RPGR: variants seen among roughly 807,000 people sequenced by gnomAD.
RPGR encodes the protein retinitis pigmentosa GTPase regulator, also known as X-linked retinitis pigmentosa GTPase regulator.
RPGR carries 10 observed loss-of-function variants against 56.3 expected under a neutral mutation model. The observed-to-expected ratio is 0.18, with a 90% CI of 0.11 to 0.30. RPGR has a LOEUF of 0.30. Among genes scored for constraint, RPGR ranks in the 10% least tolerant of loss-of-function variants. The pLI, the probability that RPGR is intolerant of heterozygous loss-of-function variation, is 1.00. For missense variants in RPGR, 538 were observed against 590.9 expected (o/e 0.91, Z 0.93); for synonymous variants, 197 against 212.9 (o/e 0.93, Z 0.65).
At chrX:38,280,691 G>A (rs182067972) in intron 15 of RPGR, among the ~76,000 whole-genome samples, 11 of 110,882 alleles carry the variant, frequency 9.9e-5, no homozygotes, top group Admixed American at 1.9e-4. Context: ...ACACCACCAT[G>A]CCTAACTAAT....
At chrX:38,309,823 C>T (rs2067678128) in intron 7 of RPGR, among the ~76,000 whole-genome samples, 2 of 109,321 alleles carry the variant, frequency 1.8e-5, no homozygotes, top group East Asian at 2.8e-4. Context: ...AGCGAAACTC[C>T]GTCTCAAAAA....
At chrX:38,325,711 G>A (rs1427153047) in intron 1 of RPGR, 2 of 112,028 alleles carry the variant, frequency 1.8e-5, no homozygotes, top group Non-Finnish European at 3.8e-5. Context: ...ACGGTCCTAG[G>A]AGATTGGGAG....
intron 6 of RPGR, among the ~76,000 whole-genome samples, chrX:38,313,127 TG>T (rs2067753481): frequency 8.9e-6 from 1 of 111,916 alleles, no homozygotes. Flanking sequence ...CTGCCTGGAT[TG>T]TTCTTCCCTC....
intron 10 of RPGR, chrX:38,298,251 C>G: frequency 4.8e-6 from 1 of 206,366 alleles, no homozygotes; most frequent in Non-Finnish European, 8.4e-6. Context: ...GCCTGGGCAA[C>G]AGAGTGAGAC....
chrX:38,305,567 G>A (rs191075113), intron 7 of RPGR, among the ~76,000 whole-genome samples: 1,549 of 109,098 alleles, frequency 0.014, 33 homozygotes, highest in African/African-American at 0.049. Context: ...CCAACGTGGT[G>A]AAACCCTGTC....
At chrX:38,290,236 T>C (rs1177397167) in intron 13 of RPGR, among the ~76,000 whole-genome samples, 1 of 111,864 alleles carries the variant, frequency 8.9e-6, no homozygotes, top group Non-Finnish European at 1.9e-5. Context: ...TCCCTCAACT[T>C]ACATTTCTCC....
chrX:38,287,684 C>T, intron 14 of RPGR, 177 bp downstream of exon 14: 1 of 535,409 alleles, frequency 1.9e-6, no homozygotes, highest in Non-Finnish European at 3.3e-6. Context: ...GTTTCCTTCT[C>T]ACTGTCTATT....
At chrX:38,323,626 C>T (rs1056983179) in intron 1 of RPGR, 102 bp from the exon 2 acceptor site, 8 of 910,493 alleles carry the variant, frequency 8.8e-6, no homozygotes, top group African/African-American at 8.0e-5. Context: ...TGTCTCATGA[C>T]AGCTTTGCCC....
intron 15 of RPGR, among the ~76,000 whole-genome samples, chrX:38,277,111 T>C (rs902230639): frequency 9.8e-5 from 11 of 112,256 alleles, no homozygotes; most frequent in Non-Finnish European, 2.1e-4. Flanking sequence ...AAGCGTTCTG[T>C]CTACTGTAGC....
At chrX:38,290,503 A>T (rs1249770149) in intron 13 of RPGR, among the ~76,000 whole-genome samples, 1 of 112,357 alleles carries the variant, frequency 8.9e-6, no homozygotes, top group Non-Finnish European at 1.9e-5. Context: ...AAATATTGGA[A>T]AAGGTTATCA....
chrX:38,282,901 C>A (rs1413975239), intron 15 of RPGR, among the ~76,000 whole-genome samples: 1 of 110,868 alleles, frequency 9.0e-6, no homozygotes, highest in Non-Finnish European at 1.9e-5. Flanking sequence ...TCTATATATA[C>A]TACTCACACT....
intron 6 of RPGR, among the ~76,000 whole-genome samples, chrX:38,315,838 T>TAGAGAGAGAG (rs34373117): frequency 3.3e-5 from 3 of 90,842 alleles, no homozygotes; most frequent in African/African-American, 4.4e-5. Flanking sequence ...TATATATATA[T>TAGAGAGAGAG]AGAGAGAGAG....
In RPGR at chrX:38,317,518, T is replaced by G. The variant is rs997617356; in HGVS notation, c.470-53A>C. 17 of 1,055,790 alleles carry G rather than the reference T, an allele frequency of 1.6e-5. No individual in the cohort carries two copies. The African/African-American group carries it at 2.6e-4, about 16-fold the overall frequency. 87.0% of individuals were successfully genotyped at this position (1,055,790 alleles called of 1,213,427 possible). A position where few individuals can be genotyped will look rare whatever the true frequency, so the allele number is the denominator to read the frequency against. On this transcript the variant is annotated intron_variant, in intron 5 of 18. Transcript: ENST00000642395. ...AAGGTTTTAAAAGGTAGCCAGGCTC[T>G]GAAGCTATTATACTTCCAAAAGACC...
At position 38,276,670 on chromosome X, in the gene RPGR, C is replaced by T; in HGVS notation, c.2008G>A (p.Glu670Lys). 8.3e-7 allele frequency: 1 copy of T among 1,209,030 alleles called. No homozygotes were observed. The highest frequency in any genetic ancestry group is 1.1e-6 in the Non-Finnish European group (1 of 893,269). Residue 670 changes from glutamate (E) to lysine (K), a missense_variant, in exon 16 of 19, where the codon GAA becomes AAA. Glu to Lys is a moderately conservative substitution (Grantham distance 56). Transcript: ENST00000642395. ...CTGTGATAACCTGTAGGAACACTTT[C>T]ATCATCTCCCACAGTTTTCTTCTTG... is the stretch of plus-strand genomic sequence containing the variant.
At chrX:38,270,380 C>T (rs762114030) in intron 18 of RPGR, among the ~76,000 whole-genome samples, 65 of 103,857 alleles carry the variant, frequency 6.3e-4, no homozygotes, top group Non-Finnish European at 1.1e-3. Flanking sequence ...TTTGGGAGGC[C>T]GAGGCGGGCA....
At chrX:38,285,769 T>G in intron 15 of RPGR, 1 of 1,211,135 alleles carries the variant, frequency 8.3e-7, no homozygotes, top group Admixed American at 2.2e-5. Flanking sequence ...CTGCCTTTCA[T>G]TCTCTTCTTC....
At chrX:38,298,103 C>T (rs1211459974) in intron 10 of RPGR, among the ~76,000 whole-genome samples, 2 of 108,784 alleles carry the variant, frequency 1.8e-5, no homozygotes, top group African/African-American at 6.7e-5. Context: ...CCCCGTCTCT[C>T]CTAAAAATAC....
At chrX:38,277,935 T>C (rs780184245) in intron 15 of RPGR, among the ~76,000 whole-genome samples, 39 of 112,271 alleles carry the variant, frequency 3.5e-4, no homozygotes, top group African/African-American at 1.2e-3. Context: ...TAGTAAACAT[T>C]AGTGTCATCC....
At chrX:38,278,892 G>C (rs2066981397) in intron 15 of RPGR, among the ~76,000 whole-genome samples, 1 of 111,826 alleles carries the variant, frequency 8.9e-6, no homozygotes, top group Admixed American at 9.5e-5. Flanking sequence ...GTAACCACAG[G>C]ATAATGTCAT....
Sources: gnomAD v4.1 joint callset for allele counts (sites outside exome capture counted in the v4.1 genomes callset) on GRCh38, gnomAD v4.1.1 for gene constraint, MANE v1.5 for transcripts, NCBI Gene and HGNC (gene_info 2026-07-23, HGNC 2026-07-21) for gene names.